BRD4: variants seen among roughly 807,000 people sequenced by gnomAD.
BRD4 encodes bromodomain containing 4.
Under a neutral mutation model 142.1 loss-of-function variants are expected in BRD4, and 16 were observed. That is an observed-to-expected ratio of 0.11 (90% CI 0.08 to 0.17). The LOEUF is 0.17. Among genes scored for constraint, BRD4 ranks in the 10% least tolerant of loss-of-function variants. The pLI is 1.00. For missense variants in BRD4, 1,424 were observed against 1,810.9 expected (o/e 0.79, Z 3.88); for synonymous variants, 833 against 707.5 (o/e 1.18, Z -2.82).
At chr19:15,324,328 C>T (rs1420302163) in intron 1 of BRD4, among the ~76,000 whole-genome samples, 1 of 152,226 alleles carries the variant, frequency 6.6e-6, no homozygotes. Flanking sequence ...TGTGACCAAC[C>T]TCTAAAGAAA....
At position 15,255,602 on chromosome 19, in the gene BRD4, G is replaced by A. The variant is rs757691226; in HGVS notation, c.1752-10C>T. 9.5e-5 allele frequency: 151 copies of A among 1,595,294 alleles called. No homozygotes were observed. The highest frequency in any genetic ancestry group is 1.2e-4 in the Non-Finnish European group (135 of 1,167,298). The stretch of plus-strand genomic sequence containing the variant: ...CGCTGGCTCCTTCTTGCTACGAAGG[G>A]ACGATGCAGACACCATCAAGAACGG... On this transcript the variant is annotated splice_polypyrimidine_tract_variant and intron_variant, in intron 9 of 19. Transcript: ENST00000679869.
At chr19:15,244,970 T>C in intron 11 of BRD4, 1 of 883,774 alleles carries the variant, frequency 1.1e-6, no homozygotes, top group Non-Finnish European at 1.7e-6. Flanking sequence ...CCTGCTGCTT[T>C]TCCTAGCAGG....
chr19:15,283,810 C>A (rs1466056690), intron 1 of BRD4, among the ~76,000 whole-genome samples: 1 of 152,180 alleles, frequency 6.6e-6, no homozygotes, highest in African/African-American at 2.4e-5. Context: ...CTCAAGGTGT[C>A]CCTGGAACCT....
chr19:15,300,953 C>T (rs949541671), intron 1 of BRD4, among the ~76,000 whole-genome samples: 1 of 152,216 alleles, frequency 6.6e-6, no homozygotes, highest in East Asian at 1.9e-4. Flanking sequence ...GAAAGAAAAA[C>T]ATGTTCACAC....
intron 1 of BRD4, among the ~76,000 whole-genome samples, chr19:15,311,602 C>T (rs1459047291): frequency 1.3e-5 from 2 of 151,494 alleles, no homozygotes; most frequent in Admixed American, 1.3e-4. Context: ...ACCAACCTGG[C>T]CAACATGATG....
intron 1 of BRD4, among the ~76,000 whole-genome samples, chr19:15,324,182 C>T (rs1036013984): frequency 3.9e-5 from 6 of 152,018 alleles, no homozygotes. Context: ...CTACACTGGG[C>T]AGAACAGGCT....
intron 1 of BRD4, among the ~76,000 whole-genome samples, chr19:15,327,321 T>C (rs1210959034): frequency 1.3e-5 from 2 of 152,086 alleles, no homozygotes; most frequent in Non-Finnish European, 2.9e-5. Flanking sequence ...GGTGGATCAC[T>C]TGAGCTCCGG....
intron 1 of BRD4, among the ~76,000 whole-genome samples, chr19:15,277,619 C>CA (rs67961221): frequency 0.23 from 22,363 of 95,858 alleles, 2,984 homozygotes; most frequent in African/African-American, 0.38. Context: ...CTATCTCTAC[C>CA]AAAAAAAAAA....
chr19:15,244,564 G>A lies in BRD4; in HGVS notation c.2248C>T (p.Pro750Ser). Residue 750 changes from proline to serine, a missense_variant, in exon 13 of 20, where the codon CCG (proline) becomes TCG (serine). Around this residue, in one of 16 missense-constraint regions of BRD4, gnomAD observed 598 missense variants for 647.8 expected, o/e 0.92. Coordinates refer to ENST00000679869, the MANE Select transcript of BRD4 (RefSeq NM_001379291.1). The part of the protein sequence containing the change: ...HHHHQQMQQA[P>S]APVPQQPPPP... ...GGCGGCTGCTGGGGCACAGGAGCCG[G>A]GGCCTGCTGCATCTGCTGATGGTGG... 1.2e-6 allele frequency: 2 copies of A among 1,605,170 alleles called. No homozygotes were observed. The highest frequency in any genetic ancestry group is 1.7e-6 in the Non-Finnish European group (2 of 1,179,488).
rs201031470 is a variant in BRD4 at position 15,265,514 on chromosome 19, G to C, written c.689C>G (p.Pro230Arg). 1 of 1,613,854 alleles carries C rather than the reference G, an allele frequency of 6.2e-7. No individual in the cohort carries two copies. Among genetic ancestry groups the C allele is most frequent in the Non-Finnish European group, 8.5e-7 (1 of 1,179,948 alleles). The change falls in exon 5 of 20, where the codon CCG (proline) becomes CGG (arginine). Residue 230 changes from proline (P) to arginine (R), a missense_variant. Transcript: ENST00000679869. Reference protein sequence around the residue: ...ATPHPFPAVTPDLIVQTPVMT... With the variant: ...ATPHPFPAVTRDLIVQTPVMT... ...GACAGGGGTCTGGACGATGAGGTCCGGGGTGACGGCAGGGAAGGGGTGAGG... is the reference window on the plus strand; with the variant it reads ...GACAGGGGTCTGGACGATGAGGTCCCGGGTGACGGCAGGGAAGGGGTGAGG...
intron 1 of BRD4, among the ~76,000 whole-genome samples, chr19:15,310,661 T>C (rs2145709733): frequency 6.7e-6 from 1 of 150,254 alleles, no homozygotes; most frequent in African/African-American, 2.5e-5. Flanking sequence ...GCCTGGCCAA[T>C]TTTTATAGTT....
intron 3 of BRD4, chr19:15,268,120 CTT>C (rs2047553527): frequency 6.6e-6 from 1 of 152,450 alleles, no homozygotes; most frequent in South Asian, 2.1e-4. Context: ...AGAGCTGAGA[CTT>C]TAAAAAACAC....
intron 1 of BRD4, among the ~76,000 whole-genome samples, chr19:15,304,035 T>C (rs1270265986): frequency 6.6e-6 from 1 of 152,126 alleles, no homozygotes; most frequent in Non-Finnish European, 1.5e-5. Context: ...CAAAGAAATA[T>C]CCACTCATCC....
At chr19:15,280,766 C>T (rs2047697734) in intron 1 of BRD4, among the ~76,000 whole-genome samples, 1 of 152,178 alleles carries the variant, frequency 6.6e-6, no homozygotes, top group African/African-American at 2.4e-5. Context: ...GTCACCTCTC[C>T]ACCGCTCCAA....
intron 1 of BRD4, among the ~76,000 whole-genome samples, chr19:15,294,073 C>G (rs975249285): frequency 6.6e-6 from 1 of 152,180 alleles, no homozygotes; most frequent in African/African-American, 2.4e-5. Flanking sequence ...AGACTGAGGG[C>G]TGGGGGCTCC....
chr19:15,304,536 G>C (rs988441343), intron 1 of BRD4, among the ~76,000 whole-genome samples: 1 of 152,210 alleles, frequency 6.6e-6, no homozygotes, highest in East Asian at 1.9e-4. Context: ...CCCTGCCAGG[G>C]GATGTGCTGA....
chr19:15,291,257 T>C (rs1302402725), intron 1 of BRD4, among the ~76,000 whole-genome samples: 1 of 152,194 alleles, frequency 6.6e-6, no homozygotes, highest in Non-Finnish European at 1.5e-5. Context: ...GATGACTCAG[T>C]ATCCCCATCA....
rs201699426 is a variant in BRD4, at chr19:15,257,165, G to A, written c.1350C>T (p.Phe450=). Residue 450 remains phenylalanine (F), a synonymous_variant, in exon 8 of 20, where the codon TTC becomes TTT. Coordinates refer to ENST00000679869, the MANE Select transcript of BRD4 (RefSeq NM_001379291.1). ...CCGGCATCTTGGCAAAGCGCATTTCGAACACATCCTGGTGAGGGAAAGACA... is the reference window on the plus strand; with the variant it reads ...CCGGCATCTTGGCAAAGCGCATTTCAAACACATCCTGGTGAGGGAAAGACA... The part of the protein sequence containing the change: ...VAMARKLQDV[F]EMRFAKMPDE... The A allele has an allele frequency of 2.1e-5, 33 of 1,605,574 alleles. No homozygotes were observed. The highest frequency in any genetic ancestry group is 4.4e-4 in the Middle Eastern group (2 of 4,584).
chr19:15,244,769 A>G lies in BRD4; in HGVS notation c.2159-7T>C. 6.2e-7 allele frequency: 1 copy of G among 1,614,066 alleles called. No homozygotes were observed. Among genetic ancestry groups the G allele is most frequent in the South Asian group, 1.1e-5 (1 of 91,086 alleles). ...TTTGACTTCGGAGCCATCTCTGCAG[A>G]GGAAAAGAGAAGGTAGTGAGGCTCT... On this transcript the variant is annotated splice_polypyrimidine_tract_variant and splice_region_variant and intron_variant, in intron 11 of 19. Transcript: ENST00000679869.
Sources: allele counts gnomAD v4.1 joint callset (sites outside exome capture counted in the v4.1 genomes callset), GRCh38; gene constraint gnomAD v4.1.1; regional missense constraint gnomAD v4.1.1; transcripts MANE v1.5; gene names NCBI Gene and HGNC (gene_info 2026-07-23, HGNC 2026-07-21).